The following CAMK2D variants were observed in gnomAD, a reference collection of about 807,000 sequenced individuals.
CAMK2D encodes the protein calcium/calmodulin-dependent protein kinase type II subunit delta.
CAMK2D carries 37 observed loss-of-function variants against 84.0 expected under a neutral mutation model. That is an observed-to-expected ratio of 0.44 (90% CI 0.34 to 0.58). CAMK2D has a LOEUF of 0.58. Among genes scored for constraint, CAMK2D ranks in the 20% least tolerant of loss-of-function variants. The pLI is 0.02. For missense variants in CAMK2D, 448 were observed against 652.5 expected, an observed-to-expected ratio of 0.69 and a Z score of 3.41; for synonymous variants, 202 against 212.5, an observed-to-expected ratio of 0.95 and a Z score of 0.43.
intron 2 of CAMK2D, among the ~76,000 whole-genome samples, chr4:113,727,148 T>C (rs1042990722): frequency 1.3e-5 from 2 of 152,102 alleles, no homozygotes; most frequent in Admixed American, 6.6e-5. Flanking sequence ...TATTAATAGG[T>C]TCATTCTCAC....
At chr4:113,615,045 G>T (rs893684796) in intron 3 of CAMK2D, among the ~76,000 whole-genome samples, 1 of 152,090 alleles carries the variant, frequency 6.6e-6, no homozygotes, top group Non-Finnish European at 1.5e-5. Flanking sequence ...GGCAGAATTT[G>T]CATTTTTAGC....
intron 3 of CAMK2D, among the ~76,000 whole-genome samples, chr4:113,649,316 ATTCT>A (rs781568056): frequency 5.3e-5 from 8 of 152,200 alleles, no homozygotes; most frequent in Non-Finnish European, 1.2e-4. Context: ...ATCTTAATTA[ATTCT>A]TTATTTTCTC....
chr4:113,756,323 T>G (rs2099628500), intron 2 of CAMK2D, among the ~76,000 whole-genome samples: 1 of 152,020 alleles, frequency 6.6e-6, no homozygotes, highest in Admixed American at 6.6e-5. Context: ...ATGTTACATT[T>G]AAAGAACATT....
chr4:113,540,531 A>C (rs1362144526), intron 6 of CAMK2D, among the ~76,000 whole-genome samples: 2 of 152,186 alleles, frequency 1.3e-5, no homozygotes, highest in African/African-American at 2.4e-5. Context: ...CCTGGCCCTA[A>C]CTGTTATTAC....
chr4:113,750,906 G>C (rs2099615645), intron 2 of CAMK2D, among the ~76,000 whole-genome samples: 1 of 152,196 alleles, frequency 6.6e-6, no homozygotes, highest in Admixed American at 6.5e-5. Context: ...TGTAGTTCCA[G>C]CTACTCAGGA....
intron 2 of CAMK2D, among the ~76,000 whole-genome samples, chr4:113,669,367 T>C (rs986815716): frequency 1.3e-5 from 2 of 152,214 alleles, no homozygotes; most frequent in Non-Finnish European, 1.5e-5. Context: ...AGCCTCTTAC[T>C]AAGCCTTATA....
At chr4:113,475,863 C>T (rs969059185) in intron 16 of CAMK2D, among the ~76,000 whole-genome samples, 2 of 152,090 alleles carry the variant, frequency 1.3e-5, no homozygotes, top group African/African-American at 4.8e-5. Context: ...TCCATAGCTC[C>T]CTGAATCAAT....
At chr4:113,507,534 G>A (rs1430167078) in intron 13 of CAMK2D, among the ~76,000 whole-genome samples, 1 of 151,964 alleles carries the variant, frequency 6.6e-6, no homozygotes, top group Non-Finnish European at 1.5e-5. Flanking sequence ...CTCTCAAACT[G>A]CTGGGATTAC....
At chr4:113,635,402 G>A (rs946894960) in intron 3 of CAMK2D, among the ~76,000 whole-genome samples, 2 of 152,124 alleles carry the variant, frequency 1.3e-5, no homozygotes, top group Non-Finnish European at 2.9e-5. Context: ...TGCAATTAAT[G>A]GGCACTGTAA....
At chr4:113,564,603 C>T (rs2154214535) in intron 4 of CAMK2D, among the ~76,000 whole-genome samples, 1 of 151,892 alleles carries the variant, frequency 6.6e-6, no homozygotes, top group South Asian at 2.1e-4. Context: ...TTTTGGTATC[C>T]CTTGAACCTA....
At chr4:113,503,055 G>A in intron 14 of CAMK2D, 78 bp from the exon 15 acceptor site, 1 of 1,003,436 alleles carries the variant, frequency 1.0e-6, no homozygotes, top group Non-Finnish European at 1.6e-6. Flanking sequence ...ACAGAGCAGA[G>A]TGAGCCAGCT....
intron 2 of CAMK2D, among the ~76,000 whole-genome samples, chr4:113,756,710 A>G (rs2099629350): frequency 6.6e-6 from 1 of 152,036 alleles, no homozygotes; most frequent in Non-Finnish European, 1.5e-5. Flanking sequence ...TAACTCTTAC[A>G]AGTCATTTAA....
Position 113,494,189 on chromosome 4 carries a change from G to A in CAMK2D, c.1135+6274C>T, listed in dbSNP as rs529648399. 3.4e-3 allele frequency among the ~76,000 whole-genome samples: 515 copies of A among 152,372 alleles called. 2 individuals are homozygous for A. The highest frequency in any genetic ancestry group is 0.012 in the African/African-American group (500 of 41,588). ...TTTGTTCCGTTGCTGGTGAGGAACT[G>A]CGTTCCTTTGGAGGAGGAGAGGCAC... On this transcript the variant is annotated intron_variant, in intron 16 of 20. Transcript: ENST00000511664.
intron 2 of CAMK2D, among the ~76,000 whole-genome samples, chr4:113,718,501 T>C (rs1293780496): frequency 6.6e-6 from 1 of 152,180 alleles, no homozygotes; most frequent in Non-Finnish European, 1.5e-5. Context: ...TTTACAATAG[T>C]GATGTTATCA....
intron 3 of CAMK2D, among the ~76,000 whole-genome samples, chr4:113,613,104 A>T (rs2099007263): frequency 6.6e-6 from 1 of 152,150 alleles, no homozygotes. Flanking sequence ...AGGGGTTAAA[A>T]GATATAATAA....
chr4:113,601,552 T>A (rs980653336), intron 4 of CAMK2D, among the ~76,000 whole-genome samples: 4 of 152,068 alleles, frequency 2.6e-5, no homozygotes, highest in East Asian at 1.9e-4. Context: ...AATTTCATTT[T>A]AAAATAGCCC....
chr4:113,671,654 G>A (rs2099285602), intron 2 of CAMK2D, among the ~76,000 whole-genome samples: 1 of 152,132 alleles, frequency 6.6e-6, no homozygotes, highest in South Asian at 2.1e-4. Context: ...TATTTACCTG[G>A]TTTGCAGTCA....
chr4:113,709,293 AATTAAG>A lies in CAMK2D; in HGVS notation c.161-47527_161-47522del, dbSNP rs934659547. ...TAAATGTTTTTCTCAATTCCAGATA[AATTAAG>A]ATTATCATTTTTTATGACTTAAGAA... On this transcript the variant is annotated intron_variant, in intron 2 of 20. Coordinates refer to ENST00000511664, the MANE Select transcript of CAMK2D (RefSeq NM_001321571.2). Among the ~76,000 whole-genome samples the A allele has an allele frequency of 2.0e-4, 31 of 152,206 alleles. 1 individual carries two copies. Among genetic ancestry groups the A allele is most frequent in the East Asian group, 1.5e-3 (8 of 5,188 alleles).
intron 2 of CAMK2D, among the ~76,000 whole-genome samples, chr4:113,755,597 C>A (rs577785623): frequency 6.6e-6 from 1 of 151,804 alleles, no homozygotes; most frequent in Non-Finnish European, 1.5e-5. Flanking sequence ...AATATTTTAC[C>A]ACCACGAGGC....
Sources: allele counts gnomAD v4.1 joint callset (sites outside exome capture counted in the v4.1 genomes callset), GRCh38; gene constraint gnomAD v4.1.1; transcripts MANE v1.5; gene names NCBI Gene and HGNC (gene_info 2026-07-23, HGNC 2026-07-21).